The following CCDC181 variants were observed in gnomAD, a reference collection of about 807,000 sequenced individuals.
CCDC181 encodes the protein coiled-coil domain containing 181.
A neutral mutation model predicts 58.7 loss-of-function variants in CCDC181; 35 were observed. That is an observed-to-expected ratio of 0.60 (90% CI 0.46 to 0.79). CCDC181 has a LOEUF of 0.79. Among genes scored for constraint, CCDC181 ranks in the 30% least tolerant of loss-of-function variants. The probability of loss-of-function intolerance (pLI) is 0.00; values close to 1 mark genes in which losing one functional copy is unlikely to be tolerated. For missense variants in CCDC181, 517 were observed against 583.9 expected, an observed-to-expected ratio of 0.89 and a Z score of 1.18; for synonymous variants, 183 against 197.5, an observed-to-expected ratio of 0.93 and a Z score of 0.62.
chr1:169,447,554 A>G (rs1403351029), intron 2 of CCDC181, among the ~76,000 whole-genome samples: 1 of 152,224 alleles, frequency 6.6e-6, no homozygotes, highest in African/African-American at 2.4e-5. Flanking sequence ...GATCAAATTG[A>G]TAGTACTATT....
intron 4 of CCDC181, among the ~76,000 whole-genome samples, chr1:169,398,471 G>A (rs965968718): frequency 1.3e-5 from 2 of 152,136 alleles, no homozygotes; most frequent in Admixed American, 1.3e-4. Flanking sequence ...GGAGCAACAG[G>A]ATACATGGGT....
chr1:169,426,824 A>T (rs185242884), intron 1 of CCDC181, among the ~76,000 whole-genome samples: 166 of 152,288 alleles, frequency 1.1e-3, no homozygotes, highest in African/African-American at 3.7e-3. Flanking sequence ...GTAAGTTTTT[A>T]AAAAATCATA....
At chr1:169,452,419 C>A (rs1009301334) in intron 2 of CCDC181, 3 of 151,930 alleles carry the variant, frequency 2.0e-5, no homozygotes, top group Non-Finnish European at 4.4e-5. Flanking sequence ...AAGTAGACAG[C>A]AGTACTGACA....
At chr1:169,439,541 G>A (rs1657152086) in intron 2 of CCDC181, among the ~76,000 whole-genome samples, 1 of 152,146 alleles carries the variant, frequency 6.6e-6, no homozygotes, top group East Asian at 1.9e-4. Flanking sequence ...GGCAGGTGCA[G>A]GAGCCAGGGC....
chr1:169,403,195 T>A (rs1655453433), intron 4 of CCDC181, among the ~76,000 whole-genome samples: 1 of 152,072 alleles, frequency 6.6e-6, no homozygotes, highest in South Asian at 2.1e-4. Context: ...AAACTTAGAC[T>A]CCCACACATT....
At chr1:169,419,830 A>G (rs1656380301) in intron 3 of CCDC181, among the ~76,000 whole-genome samples, 1 of 152,222 alleles carries the variant, frequency 6.6e-6, no homozygotes, top group Admixed American at 6.5e-5. Context: ...GAGTTGCCAA[A>G]GAGAACACTG....
intron 2 of CCDC181, among the ~76,000 whole-genome samples, chr1:169,435,845 T>C (rs1357678902): frequency 6.6e-6 from 1 of 152,212 alleles, no homozygotes; most frequent in East Asian, 1.9e-4. Flanking sequence ...GATATTAATG[T>C]ATCAATTTCA....
chr1:169,414,333 G>A (rs990726194), intron 4 of CCDC181, among the ~76,000 whole-genome samples: 1 of 152,042 alleles, frequency 6.6e-6, no homozygotes, highest in African/African-American at 2.4e-5. Flanking sequence ...AAACTCAACA[G>A]AACCAAAGGA....
intron 2 of CCDC181, chr1:169,452,827 A>G (rs1657577845): frequency 6.6e-6 from 1 of 152,036 alleles, no homozygotes; most frequent in Admixed American, 6.6e-5. Context: ...CATTATTTTC[A>G]AGTATAACAA....
rs561804576 is a variant in CCDC181 at position 169,411,875 on chromosome 1, A to T, written c.1215+7138T>A. Among the ~76,000 whole-genome samples the T allele has an allele frequency of 1.4e-4, 21 of 152,346 alleles. 1 individual carries two copies. The South Asian group carries it at 4.4e-3, about 32-fold the overall frequency. The stretch of plus-strand genomic sequence containing the variant: ...AATAAACTAGGTACTGATGGCACGT[A>T]TCTCAAAATAATAAGAGCTATTTAT... On this transcript the variant is annotated intron_variant, in intron 4 of 5. Transcript: ENST00000367806.
intron 2 of CCDC181, among the ~76,000 whole-genome samples, chr1:169,422,685 G>A (rs1046798147): frequency 2.6e-5 from 4 of 151,848 alleles, no homozygotes; most frequent in Admixed American, 6.6e-5. Context: ...TTTCCTCCTT[G>A]TAATATTTGC....
chr1:169,446,742 A>G (rs1243188056), intron 2 of CCDC181, among the ~76,000 whole-genome samples: 3 of 152,224 alleles, frequency 2.0e-5, no homozygotes, highest in African/African-American at 7.2e-5. Context: ...AGAAGAATGT[A>G]TGTAGGTTAT....
At chr1:169,454,991 A>G (rs1004331605) in intron 2 of CCDC181, among the ~76,000 whole-genome samples, 3 of 152,052 alleles carry the variant, frequency 2.0e-5, no homozygotes, top group Admixed American at 6.6e-5. Flanking sequence ...ATTCTCTAAA[A>G]TTTATAAATG....
chr1:169,457,735 T>G (rs1657715603), intron 2 of CCDC181, among the ~76,000 whole-genome samples: 2 of 152,140 alleles, frequency 1.3e-5, no homozygotes, highest in South Asian at 4.1e-4. Flanking sequence ...TTTAAAGTGT[T>G]TTAGTGCTAA....
Position 169,459,651 on chromosome 1 carries a change from G to T in CCDC181, c.-24+146C>A, listed in dbSNP as rs192621287. 2.6e-5 allele frequency: 4 copies of T among 152,220 alleles called. No homozygotes were observed. The East Asian group carries it at 7.7e-4, about 29-fold the overall frequency. 9.4% of individuals were successfully genotyped at this position (152,220 alleles called of 1,614,324 possible). A position where few individuals can be genotyped will look rare whatever the true frequency, so the allele number is the denominator to read the frequency against. On this transcript the variant is annotated intron_variant, in intron 2 of 6. Coordinates refer to the CCDC181 transcript ENST00000545005. The stretch of plus-strand genomic sequence containing the variant: ...AGGGTTGGAGATAAAAACAGACCTT[G>T]AGGCCTATTGTTGGTTACTTGGATA...
intron 4 of CCDC181, among the ~76,000 whole-genome samples, chr1:169,414,580 G>A (rs971139799): frequency 6.6e-6 from 1 of 152,070 alleles, no homozygotes; most frequent in African/African-American, 2.4e-5. Flanking sequence ...TCATGTGTGT[G>A]TATACATATA....
At chr1:169,413,641 T>C (rs1012963207) in intron 4 of CCDC181, among the ~76,000 whole-genome samples, 14 of 152,222 alleles carry the variant, frequency 9.2e-5, no homozygotes, top group African/African-American at 2.9e-4. Flanking sequence ...AATGACAGAC[T>C]GGAGAAAGAA....
chr1:169,430,683 A>G (rs750489753), upstream of CCDC181, among the ~76,000 whole-genome samples: 4 of 151,628 alleles, frequency 2.6e-5, no homozygotes, highest in Admixed American at 1.3e-4. Flanking sequence ...AAAAAAACAC[A>G]CAAATAAAGC....
rs545548742 is a variant in CCDC181, at chr1:169,403,285, T to C, written c.1216-5894A>G. On this transcript the variant is annotated intron_variant, in intron 4 of 5. Coordinates refer to ENST00000367806, the MANE Select transcript of CCDC181 (RefSeq NM_001300969.2). Reference sequence around the variant, plus strand: ...GAAAATTAACAAGGATATCAAGGAATTGAACGCAGCTCTGCACCAAGCGGA... The same window carrying C: ...GAAAATTAACAAGGATATCAAGGAACTGAACGCAGCTCTGCACCAAGCGGA... Among the ~76,000 whole-genome samples, 4 of 152,264 alleles carry C rather than the reference T, an allele frequency of 2.6e-5. No individual in the cohort carries two copies. In the East Asian group the frequency reaches 5.8e-4, roughly 22 times the overall value.
Sources: gnomAD v4.1 joint callset for allele counts (sites outside exome capture counted in the v4.1 genomes callset) on GRCh38, gnomAD v4.1.1 for gene constraint, MANE v1.5 for transcripts, NCBI Gene and HGNC (gene_info 2026-07-23, HGNC 2026-07-21) for gene names.